The following GSPT1 variants were observed in gnomAD, a reference collection of about 807,000 sequenced individuals.
GSPT1 encodes the protein G1 to S phase transition 1.
In GSPT1, 20 loss-of-function variants were observed where a neutral mutation model predicts 72.5. That is an observed-to-expected ratio of 0.28 (90% CI 0.19 to 0.40). The LOEUF is 0.40. GSPT1 is among the 10% of genes least tolerant of loss of function. GSPT1 has a pLI of 1.00. For synonymous variants in GSPT1, 334 were observed against 293.5 expected (o/e 1.14, Z -1.41); for missense variants, 580 against 811.9 (o/e 0.71, Z 3.47).
chr16:11,879,678 G>A (rs1279351695), intron 11 of GSPT1, among the ~76,000 whole-genome samples: 3 of 147,366 alleles, frequency 2.0e-5, no homozygotes, highest in African/African-American at 5.1e-5. Context: ...GGTGGAGGTC[G>A]CAGTGAGCCG....
At chr16:11,873,649 G>A (rs1567432812) in intron 14 of GSPT1, among the ~76,000 whole-genome samples, 1 of 152,116 alleles carries the variant, frequency 6.6e-6, no homozygotes, top group East Asian at 1.9e-4. Context: ...GTGCAGTGGT[G>A]CGACTTCAGC....
chr16:11,915,709 G>T lies in GSPT1; in HGVS notation c.12C>A (p.Gly4=), dbSNP rs2054627331. The part of the protein sequence containing the change: MDP[G]SGGGGGGGGG... ...CGCCGCCGCCGCCGCCGCCGCCACT[G>T]CCCGGATCCATGATCGGGGGGGCCG... The change falls in exon 1 of 15, where the codon GGC becomes GGA. Residue 4 remains glycine, a synonymous_variant. Coordinates refer to ENST00000434724, the MANE Select transcript of GSPT1 (RefSeq NM_002094.4). 1 of 1,509,376 alleles carries T rather than the reference G, an allele frequency of 6.6e-7. No homozygotes were observed. The highest frequency in any genetic ancestry group is 8.8e-7 in the Non-Finnish European group (1 of 1,135,484). 93.5% of individuals were successfully genotyped at this position (1,509,376 alleles called of 1,614,324 possible). A position where few individuals can be genotyped will look rare whatever the true frequency, so the allele number is the denominator to read the frequency against.
Position 11,870,856 on chromosome 16 carries a change from C to G in GSPT1, c.*2263G>C, listed in dbSNP as rs2053970546. 1 of 152,204 alleles carries G rather than the reference C, an allele frequency of 6.6e-6. No individual in the cohort carries two copies. The highest frequency in any genetic ancestry group is 6.5e-5 in the Admixed American group (1 of 15,286). The allele number at this position is 152,204 out of a possible 1,614,324, so 9.4% of individuals were successfully genotyped here. A position where few individuals can be genotyped will look rare whatever the true frequency, so the allele number is the denominator to read the frequency against. ...TTACTTTTTAGAGGTAGGCCCTTCACAGTTGATATCCAAGTTACTTAAGAG... is the reference window on the plus strand; with the variant it reads ...TTACTTTTTAGAGGTAGGCCCTTCAGAGTTGATATCCAAGTTACTTAAGAG... On this transcript the variant is annotated 3_prime_UTR_variant, in exon 15 of 15. Transcript: ENST00000434724.
At position 11,872,455 on chromosome 16, in the gene GSPT1, T is replaced by C. The variant is rs1033948465; in HGVS notation, c.*664A>G. 2.0e-5 allele frequency: 3 copies of C among 152,122 alleles called. No individual in the cohort carries two copies. Among genetic ancestry groups the C allele is most frequent in the Admixed American group, 2.0e-4 (3 of 15,280 alleles). 9.4% of individuals were successfully genotyped at this position (152,122 alleles called of 1,614,324 possible). A position where few individuals can be genotyped will look rare whatever the true frequency, so the allele number is the denominator to read the frequency against. On this transcript the variant is annotated 3_prime_UTR_variant, in exon 15 of 15. Coordinates refer to ENST00000434724, the MANE Select transcript of GSPT1 (RefSeq NM_002094.4). ...TCACATTTGCATAAAGGGATTTAAC[T>C]GCATGTATGCATTAACCATCAAAAG...
intron 10 of GSPT1, among the ~76,000 whole-genome samples, 168 bp from the exon 11 acceptor site, chr16:11,883,263 G>C (rs1160474521): frequency 6.6e-6 from 1 of 151,922 alleles, no homozygotes; most frequent in African/African-American, 2.4e-5. Flanking sequence ...ATAATAATTT[G>C]TGTCATAAGC....
intron 14 of GSPT1, among the ~76,000 whole-genome samples, chr16:11,875,148 C>G (rs1482952095): frequency 6.6e-6 from 1 of 151,934 alleles, no homozygotes; most frequent in Non-Finnish European, 1.5e-5. Context: ...AAGATGGTGC[C>G]ACTGCACTCC....
intron 11 of GSPT1, among the ~76,000 whole-genome samples, chr16:11,879,610 G>A (rs1226449054): frequency 6.6e-6 from 1 of 151,686 alleles, no homozygotes; most frequent in African/African-American, 2.4e-5. Context: ...GCACGTTCCT[G>A]TAATCCCAGC....
At chr16:11,892,880 C>T (rs929381661) in intron 5 of GSPT1, among the ~76,000 whole-genome samples, 2 of 117,114 alleles carry the variant, frequency 1.7e-5, no homozygotes, top group African/African-American at 6.9e-5. Context: ...AAACAATAAC[C>T]TTATAGTGGA....
intron 5 of GSPT1, among the ~76,000 whole-genome samples, chr16:11,891,581 C>A (rs566421612): frequency 6.6e-6 from 1 of 151,418 alleles, no homozygotes; most frequent in South Asian, 2.1e-4. Flanking sequence ...AGGCTGGTCT[C>A]GAACTCCTGA....
chr16:11,908,792 A>T (rs1355054012), intron 1 of GSPT1: 3 of 113,688 alleles, frequency 2.6e-5, no homozygotes, highest in Admixed American at 9.8e-5. Context: ...AAAAAAAAAA[A>T]TACAAAAATT....
chr16:11,897,824 T>A lies in GSPT1; in HGVS notation c.436+16A>T. 1 of 1,377,806 alleles carries A rather than the reference T, an allele frequency of 7.3e-7. No homozygotes were observed. Among genetic ancestry groups the A allele is most frequent in the Non-Finnish European group, 1.0e-6 (1 of 985,106 alleles). 85.3% of individuals were successfully genotyped at this position (1,377,806 alleles called of 1,614,324 possible). ...GTTTCATATTACTGTATTAATATGG[T>A]CAGAAATTTTCTTACCAATAGGTTC... is the stretch of plus-strand genomic sequence containing the variant. On this transcript the variant is annotated intron_variant, in intron 3 of 14. Coordinates refer to ENST00000434724, the MANE Select transcript of GSPT1 (RefSeq NM_002094.4).
chr16:11,906,502 C>A (rs1329381663), intron 1 of GSPT1, among the ~76,000 whole-genome samples: 1 of 152,106 alleles, frequency 6.6e-6, no homozygotes, highest in Non-Finnish European at 1.5e-5. Context: ...GGCGTGGAGG[C>A]ATACAACTGT....
At chr16:11,886,446 A>T in intron 9 of GSPT1, 25 bp downstream of exon 9, 4 of 1,554,996 alleles carry the variant, frequency 2.6e-6, no homozygotes, top group African/African-American at 1.4e-5. Context: ...TTCCTTTTTA[A>T]AAAAAGGAAA....
intron 1 of GSPT1, among the ~76,000 whole-genome samples, chr16:11,903,760 TG>T (rs2054448363): frequency 6.6e-6 from 1 of 152,240 alleles, no homozygotes; most frequent in Non-Finnish European, 1.5e-5. Context: ...ATGTACTAAA[TG>T]CCACTGAATT....
chr16:11,874,915 G>C (rs1051450497), intron 14 of GSPT1, among the ~76,000 whole-genome samples: 2 of 152,194 alleles, frequency 1.3e-5, no homozygotes, highest in East Asian at 1.9e-4. Context: ...AGCTGGGCCG[G>C]GCACGGTGGC....
rs750716444 is a variant in GSPT1 at position 11,915,412 on chromosome 16, G to A, written c.309C>T (p.Ala103=). 1 of 1,509,100 alleles carries A rather than the reference G, an allele frequency of 6.6e-7. No individual in the cohort carries two copies. Among genetic ancestry groups the A allele is most frequent in the South Asian group, 1.2e-5 (1 of 80,242 alleles). The allele number at this position is 1,509,100 out of a possible 1,614,324, so 93.5% of individuals were successfully genotyped here. ...PAAPPPPVGG[A]ANNHGAGSGA... The stretch of plus-strand genomic sequence containing the variant: ...CGCTGCCGGCTCCGTGGTTATTGGC[G>A]GCGCCGCCAACTGGGGGTGGCGGCG... The change falls in exon 1 of 15, where the codon GCC becomes GCT. Residue 103 remains alanine (A), a synonymous_variant. Coordinates refer to ENST00000434724, the MANE Select transcript of GSPT1 (RefSeq NM_002094.4).
At chr16:11,874,470 TTTTTTTTTTTTTTTA>T (rs2054015603) in intron 14 of GSPT1, among the ~76,000 whole-genome samples, 1 of 69,826 alleles carries the variant, frequency 1.4e-5, no homozygotes, top group African/African-American at 4.5e-5. Flanking sequence ...TTTTTTTTTT[TTTTTTTTTTTTTTTA>T]AAGCCAAGTT....
In GSPT1 at chr16:11,902,983, C is replaced by T. The variant is rs2054434463; in HGVS notation, c.353-4948G>A. On this transcript the variant is annotated intron_variant, in intron 1 of 14. Coordinates refer to ENST00000434724, the MANE Select transcript of GSPT1 (RefSeq NM_002094.4). ...CCACCCACCTCAGCCTCCCAAAGTG[C>T]TGGGATTACACGTGTGAGCCACCGC... 2.0e-5 allele frequency among the ~76,000 whole-genome samples: 3 copies of T among 151,982 alleles called. No individual in the cohort carries two copies. In the South Asian group the frequency reaches 6.2e-4, roughly 32 times the overall value.
intron 6 of GSPT1, among the ~76,000 whole-genome samples, chr16:11,889,632 C>A (rs535728329): frequency 6.6e-6 from 1 of 151,844 alleles, no homozygotes; most frequent in Non-Finnish European, 1.5e-5. Flanking sequence ...CTCAGCCCCC[C>A]GAGTAGCTGG....
Sources: gnomAD v4.1 joint callset for allele counts (sites outside exome capture counted in the v4.1 genomes callset) on GRCh38, gnomAD v4.1.1 for gene constraint, MANE v1.5 for transcripts, NCBI Gene and HGNC (gene_info 2026-07-23, HGNC 2026-07-21) for gene names.